The following GALNT9 variants were observed in gnomAD, a reference collection of about 807,000 sequenced individuals.
GALNT9 encodes the protein polypeptide N-acetylgalactosaminyltransferase 9.
Under a neutral mutation model 63.1 loss-of-function variants are expected in GALNT9, and 47 were observed. The ratio of observed to expected loss-of-function variants is 0.75; its 90% CI spans 0.59 to 0.95. GALNT9 has a LOEUF of 0.95. Ranked by LOEUF, GALNT9 falls within the 40% of genes least tolerant of loss-of-function variation. The pLI, the probability that GALNT9 is intolerant of heterozygous loss-of-function variation, is 0.00. For synonymous variants in GALNT9, 396 were observed against 365.7 expected (o/e 1.08, Z -0.94); for missense variants, 829 against 874.8 (o/e 0.95, Z 0.66).
chr12:132,307,431 A>G (rs112720895), intron 1 of GALNT9, among the ~76,000 whole-genome samples: 2 of 152,156 alleles, frequency 1.3e-5, no homozygotes, highest in African/African-American at 4.8e-5. Context: ...GAGTCTGTCA[A>G]TTTCCATGGT....
intron 2 of GALNT9, among the ~76,000 whole-genome samples, chr12:132,272,506 T>C (rs1879907915): frequency 6.6e-6 from 1 of 152,230 alleles, no homozygotes; most frequent in African/African-American, 2.4e-5. Context: ...GACTTTTCTG[T>C]GTTTTCCGCA....
At chr12:132,260,871 G>A (rs1358392792) in intron 4 of GALNT9, 77 bp downstream of exon 4, 11 of 1,441,892 alleles carry the variant, frequency 7.6e-6, no homozygotes, top group African/African-American at 1.4e-5. Context: ...CCAGGCTGCA[G>A]CCGCACGGCG....
At chr12:132,216,143 GAC>G (rs1391136600) in intron 6 of GALNT9, among the ~76,000 whole-genome samples, 11 of 151,150 alleles carry the variant, frequency 7.3e-5, no homozygotes, top group Non-Finnish European at 1.2e-4. Flanking sequence ...AAGATACAGA[GAC>G]ACAGAGATGG....
intron 7 of GALNT9, 129 bp downstream of exon 7, chr12:132,203,376 G>A (rs1876339163): frequency 1.1e-5 from 8 of 750,970 alleles, no homozygotes; most frequent in Non-Finnish European, 1.7e-5. Flanking sequence ...TTGCACCTGT[G>A]CACACCTGTC....
At chr12:132,231,010 G>C (rs1877871934) in intron 6 of GALNT9, among the ~76,000 whole-genome samples, 1 of 144,944 alleles carries the variant, frequency 6.9e-6, no homozygotes, top group African/African-American at 2.5e-5. Context: ...ACAGCGTGGA[G>C]TCCCTAGTGC....
intron 1 of GALNT9, among the ~76,000 whole-genome samples, chr12:132,302,500 C>A (rs1251914078): frequency 1.5e-4 from 23 of 152,200 alleles, no homozygotes; most frequent in Non-Finnish European, 4.4e-5. Flanking sequence ...TGTAGCCGTG[C>A]CATTTATTCA....
At chr12:132,301,636 A>T (rs1418886025) in intron 1 of GALNT9, among the ~76,000 whole-genome samples, 3 of 152,248 alleles carry the variant, frequency 2.0e-5, no homozygotes, top group Non-Finnish European at 4.4e-5. Context: ...TGCCATGTGG[A>T]CACATTCAGG....
At chr12:132,297,030 A>T (rs950106803) in intron 1 of GALNT9, among the ~76,000 whole-genome samples, 4 of 152,052 alleles carry the variant, frequency 2.6e-5, no homozygotes, top group Admixed American at 6.6e-5. Context: ...CACTCCTGAG[A>T]TACCCAAACT....
At chr12:132,217,726 G>A (rs981917189) in intron 6 of GALNT9, among the ~76,000 whole-genome samples, 4 of 118,964 alleles carry the variant, frequency 3.4e-5, no homozygotes, top group African/African-American at 6.7e-5. Flanking sequence ...TCATCCACAC[G>A]CACTCATCCA....
chr12:132,230,135 TACC>T (rs1877837264), intron 6 of GALNT9, among the ~76,000 whole-genome samples: 1 of 151,938 alleles, frequency 6.6e-6, no homozygotes, highest in Admixed American at 6.6e-5. Flanking sequence ...AAAATTCACA[TACC>T]ACCAGGAAGC....
At chr12:132,237,420 T>C (rs2136895391) in intron 6 of GALNT9, among the ~76,000 whole-genome samples, 1 of 150,916 alleles carries the variant, frequency 6.6e-6, no homozygotes, top group Non-Finnish European at 1.5e-5. Flanking sequence ...AACACCTGCC[T>C]ACACCTTCTG....
At chr12:132,317,354 G>A (rs1868561215) in intron 1 of GALNT9, among the ~76,000 whole-genome samples, 1 of 152,136 alleles carries the variant, frequency 6.6e-6, no homozygotes, top group African/African-American at 2.4e-5. Flanking sequence ...GCCCCCCCAG[G>A]CCACACCCTC....
rs111916642 is a variant in GALNT9 at position 132,295,932 on chromosome 12, A to G, written c.239-9502T>C. 3.6e-4 allele frequency among the ~76,000 whole-genome samples: 51 copies of G among 141,032 alleles called. 1 individual carries two copies. The highest frequency in any genetic ancestry group is 1.4e-3 in the African/African-American group (47 of 33,748). The allele number at this position is 141,032 out of a possible 152,430, so 92.5% of individuals were successfully genotyped here. On this transcript the variant is annotated intron_variant, in intron 1 of 10. Coordinates refer to ENST00000328957, the MANE Select transcript of GALNT9 (RefSeq NM_001122636.2). ...AGCCTCCGAACAGGGACGGCCTCCG[A>G]ACAGGGACGGCCTCCGAACAGGGAC...
At chr12:132,305,826 G>A (rs1881591334) in intron 1 of GALNT9, among the ~76,000 whole-genome samples, 1 of 152,354 alleles carries the variant, frequency 6.6e-6, no homozygotes, top group African/African-American at 2.4e-5. Flanking sequence ...GCAGATGTGA[G>A]TGCCAGGCCT....
intron 6 of GALNT9, among the ~76,000 whole-genome samples, chr12:132,217,253 CCATCCATCCATTCACT>C (rs2135517692): frequency 6.7e-6 from 1 of 150,314 alleles, no homozygotes; most frequent in South Asian, 2.1e-4. Flanking sequence ...TCCCACCCAC[CCATCCATCCATTCACT>C]CATCCATCTA....
intron 1 of GALNT9, among the ~76,000 whole-genome samples, chr12:132,291,138 A>G (rs1194818687): frequency 2.2e-5 from 1 of 46,484 alleles, no homozygotes; most frequent in Non-Finnish European, 3.8e-5. Context: ...CATCCACAGC[A>G]CCCACAACCA....
At chr12:132,213,044 ACGGAAACCCCACCCGGG>A (rs1877019450) in intron 6 of GALNT9, among the ~76,000 whole-genome samples, 1 of 134,718 alleles carries the variant, frequency 7.4e-6, no homozygotes, top group African/African-American at 2.8e-5. Context: ...AGACCTCGAC[ACGGAAACCCCACCCGGG>A]TCTGCAGCCC....
intron 2 of GALNT9, among the ~76,000 whole-genome samples, chr12:132,284,989 G>A (rs1470969742): frequency 2.6e-5 from 4 of 152,234 alleles, no homozygotes; most frequent in African/African-American, 9.6e-5. Flanking sequence ...TGAGTCACAA[G>A]GAATGGAATG....
chr12:132,305,660 C>T (rs1175364402), intron 1 of GALNT9, among the ~76,000 whole-genome samples: 1 of 152,072 alleles, frequency 6.6e-6, no homozygotes, highest in African/African-American at 2.4e-5. Context: ...CGCCCGGGCA[C>T]AGCCTCGCCT....
Sources: gnomAD v4.1 joint callset for allele counts (sites outside exome capture counted in the v4.1 genomes callset) on GRCh38, gnomAD v4.1.1 for gene constraint, MANE v1.5 for transcripts, NCBI Gene and HGNC (gene_info 2026-07-23, HGNC 2026-07-21) for gene names.